Variants in ZNF608 observed in about 807,000 individuals in gnomAD.
ZNF608 encodes renal carcinoma antigen NY-REN-36.
Under a neutral mutation model 109.0 loss-of-function variants are expected in ZNF608, and 12 were observed. That is an observed-to-expected ratio of 0.11 (90% CI 0.07 to 0.18). ZNF608 has a LOEUF of 0.18. Ranked by LOEUF, ZNF608 falls within the 10% of genes least tolerant of loss-of-function variation. The pLI is 1.00. For synonymous variants in ZNF608, 732 were observed against 717.4 expected, an observed-to-expected ratio of 1.02 and a Z score of -0.33; for missense variants, 1,707 against 1,879.3, an observed-to-expected ratio of 0.91 and a Z score of 1.70.
intron 2 of ZNF608, among the ~76,000 whole-genome samples, chr5:124,729,794 C>T (rs186996074): frequency 6.6e-6 from 1 of 152,178 alleles, no homozygotes; most frequent in Non-Finnish European, 1.5e-5. Context: ...TACAATTAAA[C>T]CTAACCATCT....
intron 3 of ZNF608, among the ~76,000 whole-genome samples, chr5:124,699,785 ATCT>A (rs1292127478): frequency 3.9e-5 from 6 of 151,932 alleles, no homozygotes; most frequent in African/African-American, 7.3e-5. Flanking sequence ...ATTTATTTTT[ATCT>A]TCTTCTTTCA....
At chr5:124,716,848 C>T (rs751008877) in intron 2 of ZNF608, among the ~76,000 whole-genome samples, 3 of 152,108 alleles carry the variant, frequency 2.0e-5, no homozygotes, top group Non-Finnish European at 2.9e-5. Flanking sequence ...TTTGGGAGGC[C>T]GAGGCAGGCG....
rs560367257 is a variant in ZNF608 at position 124,695,928 on chromosome 5, A to G, written c.1162+5086T>C. Among the ~76,000 whole-genome samples the G allele has an allele frequency of 6.6e-5, 10 of 152,232 alleles. No homozygotes were observed. In the South Asian group the frequency reaches 2.1e-3, roughly 32 times the overall value. On this transcript the variant is annotated intron_variant, in intron 3 of 9. Transcript: ENST00000513986. Reference sequence around the variant, plus strand: ...GCCGGGCGGGGTGGCTCACGCCTGTAATCCCAGCACTTTGGGAGGCCAAGG... The same window carrying G: ...GCCGGGCGGGGTGGCTCACGCCTGTGATCCCAGCACTTTGGGAGGCCAAGG...
At chr5:124,639,285 A>G in intron 8 of ZNF608, 71 bp from the exon 9 acceptor site, 1 of 1,334,190 alleles carries the variant, frequency 7.5e-7, no homozygotes, top group Non-Finnish European at 1.1e-6. Flanking sequence ...CCAGTGGAGA[A>G]GGGCCGCAGA....
chr5:124,671,011 G>A (rs563587469), intron 3 of ZNF608, among the ~76,000 whole-genome samples: 1 of 152,316 alleles, frequency 6.6e-6, no homozygotes, highest in South Asian at 2.1e-4. Flanking sequence ...CTATTAAGCT[G>A]CTGATAGCAG....
Position 124,644,623 on chromosome 5 carries a change from C to A in ZNF608, c.3744G>T (p.Gln1248His). The A allele has an allele frequency of 6.2e-7, 1 of 1,604,358 alleles. No individual in the cohort carries two copies. The highest frequency in any genetic ancestry group is 8.5e-7 in the Non-Finnish European group (1 of 1,175,750). The change falls in exon 6 of 10, where the codon CAG becomes CAT. Residue 1248 changes from glutamine to histidine, a missense_variant. Around this residue, in one of 7 missense-constraint regions of ZNF608, gnomAD observed 1,073 missense variants for 1,133.5 expected, o/e 0.95. Transcript: ENST00000513986. The stretch of plus-strand genomic sequence containing the variant: ...ACTTTTGCTGATCCAGATATTTGGG[C>A]TGGTATACATAATGATGCCATGTTC... The part of the protein sequence containing the change: ...DSRTWHHYVY[Q>H]PKYLDQQKSE...
chr5:124,744,007 C>T lies in ZNF608; in HGVS notation c.906+77G>A. 1 of 1,513,064 alleles carries T rather than the reference C, an allele frequency of 6.6e-7. No individual in the cohort carries two copies. Among genetic ancestry groups the T allele is most frequent in the South Asian group, 1.3e-5 (1 of 74,682 alleles). The allele number at this position is 1,513,064 out of a possible 1,614,324, so 93.7% of individuals were successfully genotyped here. A position where few individuals can be genotyped will look rare whatever the true frequency, so the allele number is the denominator to read the frequency against. Reference sequence around the variant, plus strand: ...CAGAAAGCATAAAGTGTAAGGCACACAGAGGCACACCCCCACACACCCACA... The same window carrying T: ...CAGAAAGCATAAAGTGTAAGGCACATAGAGGCACACCCCCACACACCCACA... On this transcript the variant is annotated intron_variant, in intron 2 of 9. Coordinates refer to ENST00000513986, the MANE Select transcript of ZNF608 (RefSeq NM_020747.3). The surrounding 1 kb of genome is among the most constrained non-coding windows in gnomAD (Gnocchi z 4.5).
In ZNF608 at chr5:124,647,831, C is replaced by A. The variant is rs776214058; in HGVS notation, c.2553G>T (p.Gly851=). ...TGTTGAGATGATCCTTTAAAAAATG[C>A]CCAGGTAAATCTTTGCTGGCCCCCT... is the stretch of plus-strand genomic sequence containing the variant. ...DSKGASKDLP[G]HFLKDHLNKN... is the part of the protein sequence containing the mutation. The change falls in exon 5 of 10, where the codon GGG becomes GGT. Residue 851 remains glycine (G), a synonymous_variant. Transcript: ENST00000513986. The A allele has an allele frequency of 1.9e-6, 3 of 1,614,194 alleles. No homozygotes were observed. The highest frequency in any genetic ancestry group is 2.2e-5 in the East Asian group (1 of 44,886).
chr5:124,639,900 AC>A (rs2149779775), intron 8 of ZNF608, among the ~76,000 whole-genome samples: 1 of 152,326 alleles, frequency 6.6e-6, no homozygotes, highest in South Asian at 2.1e-4. Context: ...CCCAGAGGTA[AC>A]TTAAGACAGT....
intron 2 of ZNF608, among the ~76,000 whole-genome samples, chr5:124,702,509 T>TC: frequency 6.6e-6 from 1 of 151,872 alleles, no homozygotes; most frequent in African/African-American, 2.4e-5. Context: ...TGGTTTTTTT[T>TC]TTTGAAAAGA....
chr5:124,714,321 C>G (rs78956940), intron 2 of ZNF608, among the ~76,000 whole-genome samples: 28,877 of 152,062 alleles, frequency 0.19, 2,906 homozygotes, highest in Admixed American at 0.27. Flanking sequence ...CTGTTGAGGA[C>G]TAGAAATGAA....
rs1406650640 is a variant in ZNF608 at position 124,659,044 on chromosome 5, C to T, written c.1163-9347G>A. Among the ~76,000 whole-genome samples the T allele has an allele frequency of 3.9e-5, 6 of 152,234 alleles. No individual in the cohort carries two copies. In the East Asian group the frequency reaches 7.7e-4, roughly 20 times the overall value. ...CAAAATGAGAGGGAAACAGCTTTCA[C>T]TTACTCCCACTGTCAGACTCAGGAG... is the stretch of plus-strand genomic sequence containing the variant. On this transcript the variant is annotated intron_variant, in intron 3 of 9. Transcript: ENST00000513986.
intron 2 of ZNF608, among the ~76,000 whole-genome samples, chr5:124,743,661 A>G (rs879903089): frequency 1.3e-5 from 2 of 152,234 alleles, no homozygotes; most frequent in Non-Finnish European, 2.9e-5. Context: ...CCGCAATACT[A>G]GGATGAATAA....
At chr5:124,640,148 T>C (rs1321263688) in intron 8 of ZNF608, among the ~76,000 whole-genome samples, 1 of 152,160 alleles carries the variant, frequency 6.6e-6, no homozygotes, top group Non-Finnish European at 1.5e-5. Flanking sequence ...GTATATCACT[T>C]CCCAGTTTTG....
At position 124,649,077 on chromosome 5, in the gene ZNF608, T is replaced by C; in HGVS notation, c.1307A>G (p.Lys436Arg). The C allele has an allele frequency of 5.6e-6, 9 of 1,611,594 alleles. No homozygotes were observed. The highest frequency in any genetic ancestry group is 7.6e-6 in the Non-Finnish European group (9 of 1,179,008). Residue 436 changes from lysine to arginine, a missense_variant, in exon 5 of 10, where the codon AAG becomes AGG. Coordinates refer to ENST00000513986, the MANE Select transcript of ZNF608 (RefSeq NM_020747.3). ...LEMRGGRGRG[K>R]RARSAAAAPG... Reference sequence around the variant, plus strand: ...GGCAGCAGCAGCAGACCTCGCTCTCTTCCCTCTGCCCCGGCCCCCTCTCAT... The same window carrying C: ...GGCAGCAGCAGCAGACCTCGCTCTCCTCCCTCTGCCCCGGCCCCCTCTCAT...
At chr5:124,678,707 A>C (rs577985889) in intron 3 of ZNF608, among the ~76,000 whole-genome samples, 1 of 152,294 alleles carries the variant, frequency 6.6e-6, no homozygotes, top group South Asian at 2.1e-4. Flanking sequence ...GGCTGATGAC[A>C]GCTCTGCCCA....
intron 6 of ZNF608, among the ~76,000 whole-genome samples, chr5:124,643,993 G>A (rs1297694559): frequency 6.6e-6 from 1 of 152,100 alleles, no homozygotes; most frequent in Non-Finnish European, 1.5e-5. Context: ...TATTTTTATA[G>A]GCAATAAAGT....
intron 2 of ZNF608, among the ~76,000 whole-genome samples, chr5:124,716,335 TA>T (rs535459904): frequency 9.8e-4 from 140 of 142,926 alleles, no homozygotes; most frequent in East Asian, 1.2e-3. Flanking sequence ...TTTCATTTAA[TA>T]AAAAAAAAAA....
chr5:124,727,953 G>A (rs540469013), intron 2 of ZNF608, among the ~76,000 whole-genome samples: 1 of 152,110 alleles, frequency 6.6e-6, no homozygotes, highest in South Asian at 2.1e-4. Context: ...TGGTCGGGCT[G>A]GTCTCGAACT....
Sources: gnomAD v4.1 joint callset for allele counts (sites outside exome capture counted in the v4.1 genomes callset) on GRCh38, gnomAD v4.1.1 for gene constraint, gnomAD v4.1.1 regional missense constraint, Gnocchi (gnomAD v3.1) non-coding constraint, MANE v1.5 for transcripts, NCBI Gene and HGNC (gene_info 2026-07-23, HGNC 2026-07-21) for gene names.